KCNAB2: variants seen among roughly 807,000 people sequenced by gnomAD.
KCNAB2 encodes voltage-gated potassium channel subunit beta-2.
A neutral mutation model predicts 63.6 loss-of-function variants in KCNAB2; 29 were observed. That is an observed-to-expected ratio of 0.46 (90% confidence interval 0.34 to 0.62). The LOEUF is 0.62. Ranked by LOEUF, KCNAB2 falls within the 20% of genes least tolerant of loss-of-function variation. KCNAB2 has a pLI of 0.01. For synonymous variants in KCNAB2, 222 were observed against 224.2 expected, an observed-to-expected ratio of 0.99 and a Z score of 0.09; for missense variants, 359 against 563.9, an observed-to-expected ratio of 0.64 and a Z score of 3.68.
At chr1:6,085,269 G>C in intron 6 of KCNAB2, 21 bp downstream of exon 6, 2 of 1,612,290 alleles carry the variant, frequency 1.2e-6, no homozygotes, top group Non-Finnish European at 1.7e-6. Flanking sequence ...TGCTCTCTGC[G>C]GCCTGTCCCT....
rs116777163 is a variant in KCNAB2 at position 6,053,592 on chromosome 1, G to A, written c.218+1838G>A. On this transcript the variant is annotated intron_variant, in intron 2 of 15. Coordinates refer to ENST00000378083, the MANE Select transcript of KCNAB2 (RefSeq NM_001199862.2). ...GGATGCCTCTCTCAGCTGGAGGAGCGAAGAGAAGGCCCAGGCGGCTAGGCT... is the reference window on the plus strand; with the variant it reads ...GGATGCCTCTCTCAGCTGGAGGAGCAAAGAGAAGGCCCAGGCGGCTAGGCT... 3.8e-3 allele frequency among the ~76,000 whole-genome samples: 573 copies of A among 152,272 alleles called. 6 individuals carry two copies. The highest frequency in any genetic ancestry group is 8.3e-3 in the African/African-American group (345 of 41,544).
chr1:6,052,956 TCA>T (rs1446234244), intron 2 of KCNAB2, among the ~76,000 whole-genome samples: 1 of 152,166 alleles, frequency 6.6e-6, no homozygotes, highest in Non-Finnish European at 1.5e-5. Flanking sequence ...ACCCTAGGGA[TCA>T]TCTGCGTGCT....
rs552832529 is a variant in KCNAB2, at chr1:6,035,620, A to G, written c.-53+826A>G. Among the ~76,000 whole-genome samples, 26 of 152,038 alleles carry G rather than the reference A, an allele frequency of 1.7e-4. No individual in the cohort carries two copies. The highest frequency in any genetic ancestry group is 5.1e-4 in the African/African-American group (21 of 41,444). On this transcript the variant is annotated intron_variant, in intron 1 of 15. Transcript: ENST00000164247. This position sits in a 1 kb window ranked among gnomAD's most constrained non-coding sequence, Gnocchi z 5.0. ...GGGAGCTCGTTACTCATCTGGGGCC[A>G]CCCTGGGAAGAACTGGGCTGGGGGT... is the stretch of plus-strand genomic sequence containing the variant.
intron 1 of KCNAB2, among the ~76,000 whole-genome samples, chr1:6,036,583 G>A (rs562201900): frequency 3.3e-5 from 5 of 152,228 alleles, no homozygotes; most frequent in Non-Finnish European, 1.5e-5. Flanking sequence ...AGCTGGCAGT[G>A]CGTCCTGAAG....
intron 15 of KCNAB2, 31 bp downstream of exon 15, chr1:6,097,388 GCC>G: frequency 6.5e-7 from 1 of 1,549,518 alleles, no homozygotes; most frequent in Non-Finnish European, 8.7e-7. Flanking sequence ...TGGGCAGAGG[GCC>G]CATCCCAGCC....
intron 1 of KCNAB2, among the ~76,000 whole-genome samples, chr1:6,046,896 T>C (rs1013507614): frequency 6.6e-6 from 1 of 151,874 alleles, no homozygotes; most frequent in Non-Finnish European, 1.5e-5. Context: ...GGTAGAGGAG[T>C]CTGGGGTGAG....
chr1:6,018,229 G>A (rs556087818), intron 1 of KCNAB2, among the ~76,000 whole-genome samples: 11 of 151,766 alleles, frequency 7.2e-5, no homozygotes, highest in South Asian at 2.1e-4. Flanking sequence ...GAGCCACTGC[G>A]CCCAGCCAGG....
At chr1:6,021,080 C>T (rs1014107974) in intron 1 of KCNAB2, among the ~76,000 whole-genome samples, 3 of 152,212 alleles carry the variant, frequency 2.0e-5, no homozygotes, top group Non-Finnish European at 4.4e-5. Flanking sequence ...GCAGCCTCGA[C>T]CTTCCAGGCT....
intron 1 of KCNAB2, among the ~76,000 whole-genome samples, chr1:6,038,871 G>A (rs1057206247): frequency 1.3e-5 from 2 of 152,228 alleles, no homozygotes; most frequent in Non-Finnish European, 1.5e-5. Flanking sequence ...GTGGATGGGC[G>A]GGGCTGTTTT....
intron 1 of KCNAB2, among the ~76,000 whole-genome samples, chr1:6,036,668 G>A (rs1312617825): frequency 1.3e-5 from 2 of 152,144 alleles, no homozygotes; most frequent in African/African-American, 4.8e-5. Context: ...GACACTGTGG[G>A]GCCGGTTCAC....
intron 2 of KCNAB2, among the ~76,000 whole-genome samples, chr1:6,060,117 C>T (rs116475012): frequency 6.6e-6 from 1 of 152,364 alleles, no homozygotes; most frequent in African/African-American, 2.4e-5. Context: ...GACACAGAAC[C>T]TGCTGCTGCC....
At chr1:6,015,038 T>TTG (rs1553212842) in intron 1 of KCNAB2, among the ~76,000 whole-genome samples, 1 of 142,790 alleles carries the variant, frequency 7.0e-6, no homozygotes, top group South Asian at 2.3e-4. Context: ...TTTTTTTTTT[T>TTG]TTTTGTTTTT....
intron 15 of KCNAB2, 87 bp from the exon 16 acceptor site, chr1:6,098,398 C>A: frequency 6.4e-7 from 1 of 1,570,410 alleles, no homozygotes. Flanking sequence ...GCCAGCCGAC[C>A]ATCTGGAAGA....
chr1:6,091,182 C>T (rs181347717), intron 9 of KCNAB2, 81 bp from the exon 10 acceptor site: 122 of 1,020,466 alleles, frequency 1.2e-4, no homozygotes, highest in Middle Eastern at 6.2e-4. Flanking sequence ...TGTGCCTCCC[C>T]GCTGTGCCTT....
chr1:6,082,732 T>G (rs1437783455), intron 5 of KCNAB2, among the ~76,000 whole-genome samples: 2 of 152,236 alleles, frequency 1.3e-5, no homozygotes, highest in African/African-American at 2.4e-5. Context: ...AAGCTCAGCC[T>G]TCTTCAGCCA....
intron 1 of KCNAB2, among the ~76,000 whole-genome samples, chr1:6,009,483 A>T (rs1288030989): frequency 6.6e-6 from 1 of 152,196 alleles, no homozygotes; most frequent in Non-Finnish European, 1.5e-5. Flanking sequence ...GACCCCATCA[A>T]AGCCTCTTGC....
At chr1:6,053,832 A>G (rs1397538445) in intron 2 of KCNAB2, among the ~76,000 whole-genome samples, 1 of 152,122 alleles carries the variant, frequency 6.6e-6, no homozygotes, top group Non-Finnish European at 1.5e-5. Context: ...CCGTAGTCTC[A>G]GCACTTTAGG....
chr1:6,020,151 G>A (rs1658739196), intron 1 of KCNAB2, among the ~76,000 whole-genome samples: 1 of 152,142 alleles, frequency 6.6e-6, no homozygotes, highest in Non-Finnish European at 1.5e-5. Flanking sequence ...TAACACTTGG[G>A]GGATGTGCCC....
intron 4 of KCNAB2, among the ~76,000 whole-genome samples, chr1:6,080,416 C>CGGATGCATTTGATGCAT (rs1268981200): frequency 2.0e-5 from 3 of 152,134 alleles, no homozygotes; most frequent in African/African-American, 4.8e-5. Flanking sequence ...CCTCGGGCGG[C>CGGATGCATTTGATGCAT]GGATGCATTT....
Sources: gnomAD v4.1 joint callset for allele counts (sites outside exome capture counted in the v4.1 genomes callset) on GRCh38, gnomAD v4.1.1 for gene constraint, Gnocchi (gnomAD v3.1) non-coding constraint, MANE v1.5 for transcripts, NCBI Gene and HGNC (gene_info 2026-07-23, HGNC 2026-07-21) for gene names.